GRM8: variants seen among roughly 807,000 people sequenced by gnomAD.
GRM8 encodes the protein glutamate metabotropic receptor 8.
Under a neutral mutation model 87.2 loss-of-function variants are expected in GRM8, and 47 were observed. The ratio of observed to expected loss-of-function variants is 0.54; its 90% CI spans 0.43 to 0.69. GRM8 has a LOEUF of 0.69. Among genes scored for constraint, GRM8 ranks in the 30% least tolerant of loss-of-function variants. GRM8 has a pLI of 0.00. For synonymous variants in GRM8, 396 were observed against 404.5 expected, an observed-to-expected ratio of 0.98 and a Z score of 0.25; for missense variants, 1,019 against 1,139.2, an observed-to-expected ratio of 0.89 and a Z score of 1.52.
At chr7:126,847,553 G>C (rs780691029) in intron 6 of GRM8, among the ~76,000 whole-genome samples, 4 of 152,114 alleles carry the variant, frequency 2.6e-5, no homozygotes, top group African/African-American at 9.7e-5. Context: ...CAAACAAATA[G>C]TATTAGAGTT....
Position 127,192,312 on chromosome 7 carries a change from G to A in GRM8, c.510+50383C>T, listed in dbSNP as rs117700515. 7.1e-3 allele frequency among the ~76,000 whole-genome samples: 1,074 copies of A among 152,288 alleles called. 11 individuals carry two copies. The highest frequency in any genetic ancestry group is 0.027 in the Admixed American group (414 of 15,286). On this transcript the variant is annotated intron_variant, in intron 2 of 10. Coordinates refer to ENST00000339582, the MANE Select transcript of GRM8 (RefSeq NM_000845.3). ...AGTTTGTTACAGATACTAAAGCTTC[G>A]TTTAAATTTTAGTCCATTTGCAGTT...
chr7:126,630,133 T>TAA (rs10673410), intron 7 of GRM8, among the ~76,000 whole-genome samples: 44,845 of 150,060 alleles, frequency 0.3, 7,377 homozygotes, highest in South Asian at 0.41. Context: ...CAACACCAAA[T>TAA]AAGAAAAAAA....
At chr7:126,568,286 T>C (rs1316237474) in intron 8 of GRM8, among the ~76,000 whole-genome samples, 1 of 152,132 alleles carries the variant, frequency 6.6e-6, no homozygotes, top group African/African-American at 2.4e-5. Context: ...ATATCAAACA[T>C]ATCCATAGTT....
At chr7:126,854,337 T>TGAAC (rs1797485315) in intron 6 of GRM8, among the ~76,000 whole-genome samples, 1 of 152,200 alleles carries the variant, frequency 6.6e-6, no homozygotes, top group Admixed American at 6.5e-5. Flanking sequence ...CCAGAAAAAT[T>TGAAC]GAACTATCTT....
At chr7:127,208,746 G>T (rs1796054069) in intron 2 of GRM8, among the ~76,000 whole-genome samples, 1 of 152,150 alleles carries the variant, frequency 6.6e-6, no homozygotes, top group Admixed American at 6.5e-5. Context: ...CTAACCACTT[G>T]ATTCGGTACA....
chr7:127,172,871 C>T (rs1305824345), intron 2 of GRM8, among the ~76,000 whole-genome samples: 27 of 152,136 alleles, frequency 1.8e-4, no homozygotes, highest in Non-Finnish European at 1.5e-5. Flanking sequence ...TACCAACATG[C>T]TTTCTGGAGT....
At position 126,769,983 on chromosome 7, in the gene GRM8, A is replaced by T. The variant is rs1818658271; in HGVS notation, c.1239T>A (p.Ala413=). The T allele has an allele frequency of 1.2e-6, 2 of 1,612,280 alleles. No homozygotes were observed. Among genetic ancestry groups the T allele is most frequent in the Admixed American group, 1.7e-5 (1 of 59,842 alleles). Residue 413 remains alanine, a synonymous_variant, in exon 7 of 11, where the codon GCT becomes GCA. Transcript: ENST00000339582. ...QFVIDAVYSM[A]YALHNMHKDL... ...CTTTGTGCATATTGTGCAGGGCGTA[A>T]GCCATGGAATATACAGCATCAATTA...
At chr7:126,912,592 G>A (rs1189253441) in intron 3 of GRM8, among the ~76,000 whole-genome samples, 1 of 152,218 alleles carries the variant, frequency 6.6e-6, no homozygotes, top group African/African-American at 2.4e-5. Flanking sequence ...CACTCTGGAA[G>A]AGGGGAAGGT....
intron 3 of GRM8, among the ~76,000 whole-genome samples, chr7:126,985,233 T>A (rs1315690611): frequency 6.6e-6 from 1 of 152,206 alleles, no homozygotes; most frequent in Non-Finnish European, 1.5e-5. Flanking sequence ...TATAAGGCCC[T>A]ATGCTCAATA....
At chr7:126,470,460 G>A (rs889763539) in intron 9 of GRM8, among the ~76,000 whole-genome samples, 5 of 150,470 alleles carry the variant, frequency 3.3e-5, no homozygotes, top group African/African-American at 2.4e-5. Context: ...TTGTCCTTGC[G>A]ACAGTTTACT....
intron 3 of GRM8, among the ~76,000 whole-genome samples, chr7:126,918,900 T>C (rs913719545): frequency 2.4e-4 from 37 of 152,110 alleles, no homozygotes; most frequent in African/African-American, 8.7e-4. Context: ...TGAAAACCGA[T>C]CAGAACTGCA....
intron 9 of GRM8, among the ~76,000 whole-genome samples, chr7:126,503,343 T>C (rs1316739977): frequency 1.3e-5 from 2 of 152,108 alleles, no homozygotes; most frequent in African/African-American, 4.8e-5. Flanking sequence ...TGAGACTGTT[T>C]CTGTAACTAA....
Position 126,800,280 on chromosome 7 carries a change from T to C in GRM8, c.1157-30215A>G, listed in dbSNP as rs541108496. 6.3e-4 allele frequency among the ~76,000 whole-genome samples: 96 copies of C among 152,214 alleles called. 1 individual carries two copies. Among genetic ancestry groups the C allele is most frequent in the African/African-American group, 9.4e-4 (39 of 41,546 alleles). On this transcript the variant is annotated intron_variant, in intron 6 of 10. Coordinates refer to ENST00000339582, the MANE Select transcript of GRM8 (RefSeq NM_000845.3). ...CCAGGAAGGAGACCAGCCTCTATCA[T>C]TCATCAAAGTGTCCTTCCTAATGCA...
At chr7:126,573,590 AT>A (rs3216283) in intron 8 of GRM8, among the ~76,000 whole-genome samples, 49,230 of 148,170 alleles carry the variant, frequency 0.33, 8,581 homozygotes, top group East Asian at 0.45. Context: ...TTATTTTTTA[AT>A]TTTTTTTTTT....
intron 2 of GRM8, among the ~76,000 whole-genome samples, chr7:127,183,578 A>G (rs531738323): frequency 3.0e-4 from 46 of 151,926 alleles, no homozygotes; most frequent in African/African-American, 1.0e-3. Flanking sequence ...CATATGTTAG[A>G]AAAGAAGAAA....
At chr7:127,209,261 T>G (rs557765162) in intron 2 of GRM8, among the ~76,000 whole-genome samples, 1 of 152,172 alleles carries the variant, frequency 6.6e-6, no homozygotes, top group Non-Finnish European at 1.5e-5. Flanking sequence ...TACACAGCAG[T>G]GGCTGGAAAG....
chr7:126,772,427 C>T (rs953855662), intron 6 of GRM8, among the ~76,000 whole-genome samples: 20 of 152,056 alleles, frequency 1.3e-4, no homozygotes, highest in African/African-American at 4.6e-4. Context: ...ACACTTGGGT[C>T]TCTCCTTAAG....
chr7:126,745,804 T>C (rs1815598159), intron 7 of GRM8, among the ~76,000 whole-genome samples: 1 of 151,778 alleles, frequency 6.6e-6, no homozygotes, highest in Non-Finnish European at 1.5e-5. Context: ...CCTCTTACCT[T>C]GTGTTTCTCT....
chr7:126,591,854 A>G (rs1443782754), intron 8 of GRM8, among the ~76,000 whole-genome samples: 5 of 151,844 alleles, frequency 3.3e-5, no homozygotes. Context: ...GGTTTCTGGA[A>G]AAGATTAACA....
Sources: gnomAD v4.1 joint callset for allele counts (sites outside exome capture counted in the v4.1 genomes callset) on GRCh38, gnomAD v4.1.1 for gene constraint, MANE v1.5 for transcripts, NCBI Gene and HGNC (gene_info 2026-07-23, HGNC 2026-07-21) for gene names.